Variants in PRPF4 observed in about 807,000 individuals in gnomAD.
The protein encoded by PRPF4 is U4/U6 small nuclear ribonucleoprotein Prp4.
In PRPF4, 14 loss-of-function variants were observed where a neutral mutation model predicts 72.2. That is an observed-to-expected ratio of 0.19 (90% CI 0.13 to 0.30). The LOEUF is 0.30. Among genes scored for constraint, PRPF4 ranks in the 10% least tolerant of loss-of-function variants. PRPF4 has a pLI of 1.00. For synonymous variants in PRPF4, 225 were observed against 232.2 expected, an observed-to-expected ratio of 0.97 and a Z score of 0.28; for missense variants, 478 against 653.9, an observed-to-expected ratio of 0.73 and a Z score of 2.93.
At chr9:113,291,323 A>G (rs965535980) in intron 13 of PRPF4, 144 bp from the exon 14 acceptor site, 4 of 821,730 alleles carry the variant, frequency 4.9e-6, no homozygotes, top group Non-Finnish European at 7.5e-6. Context: ...GGAATGAGCC[A>G]AAAGACCTTA....
chr9:113,277,829 C>T (rs1415300752), intron 2 of PRPF4, among the ~76,000 whole-genome samples: 1 of 152,116 alleles, frequency 6.6e-6, no homozygotes, highest in Non-Finnish European at 1.5e-5. Context: ...AGTGATACCC[C>T]ATCTCTACAA....
At chr9:113,286,900 C>A in intron 9 of PRPF4, 72 bp downstream of exon 9, 1 of 1,607,098 alleles carries the variant, frequency 6.2e-7, no homozygotes, top group South Asian at 1.1e-5. Context: ...TCCCCAGGAC[C>A]TCAGTAAAAA....
chr9:113,286,767 A>G lies in PRPF4; in HGVS notation c.871A>G (p.Lys291Glu), dbSNP rs1465129167. The part of the protein sequence containing the change: ...HPKSTVSLDP[K>E]DVNLASCAAD... ...CAAATCCACTGTCTCCTTGGACCCA[A>G]AAGATGTCAACCTGGCCTCTTGTGC... The change falls in exon 9 of 14, where the codon AAA (lysine) becomes GAA (glutamate). Residue 291 changes from lysine to glutamate, a missense_variant. Physicochemically the swap from Lys to Glu is moderately conservative, Grantham distance 56 (BLOSUM62 1). Coordinates refer to ENST00000374198, the MANE Select transcript of PRPF4 (RefSeq NM_001244926.2). 1.2e-6 allele frequency: 2 copies of G among 1,614,074 alleles called. No homozygotes were observed. The highest frequency in any genetic ancestry group is 1.7e-6 in the Non-Finnish European group (2 of 1,180,026).
chr9:113,288,304 A>G (rs1439041060), intron 10 of PRPF4, 40 bp downstream of exon 10: 1 of 1,582,178 alleles, frequency 6.3e-7, no homozygotes, highest in Non-Finnish European at 8.7e-7. Context: ...ATAGGCCTGT[A>G]GCATCTTCTT....
chr9:113,283,591 C>T (rs897904069), intron 6 of PRPF4, 109 bp downstream of exon 6: 3 of 1,091,682 alleles, frequency 2.7e-6, no homozygotes, highest in African/African-American at 1.6e-5. Flanking sequence ...AGTGATTCCT[C>T]CCTGCTTAAG....
intron 10 of PRPF4, among the ~76,000 whole-genome samples, chr9:113,289,639 G>A (rs1212583110): frequency 2.0e-5 from 3 of 152,126 alleles, no homozygotes; most frequent in East Asian, 1.9e-4. Context: ...TTATTTCCAT[G>A]TGCATAGTCA....
intron 5 of PRPF4, 36 bp from the exon 6 acceptor site, chr9:113,283,353 C>A: frequency 6.2e-7 from 1 of 1,613,722 alleles, no homozygotes. Flanking sequence ...TGTTTACAAC[C>A]CTGTTGCTCC....
chr9:113,282,282 G>A (rs1832303339), intron 3 of PRPF4, among the ~76,000 whole-genome samples: 1 of 152,104 alleles, frequency 6.6e-6, no homozygotes, highest in Non-Finnish European at 1.5e-5. Context: ...AGACTTGCCT[G>A]GGCAACATAG....
chr9:113,283,611 T>A (rs1832348231), intron 6 of PRPF4, 129 bp downstream of exon 6: 1 of 881,278 alleles, frequency 1.1e-6, no homozygotes, highest in East Asian at 2.6e-5. Context: ...GTTGAGCTGC[T>A]GTGACATGGA....
At chr9:113,288,317 C>A (rs776122518) in intron 10 of PRPF4, 53 bp downstream of exon 10, 24 of 1,515,294 alleles carry the variant, frequency 1.6e-5, no homozygotes, top group Non-Finnish European at 2.2e-5. Flanking sequence ...ATCTTCTTAA[C>A]CCTTTATGGC....
In PRPF4 at chr9:113,288,207, C is replaced by T. The variant is rs764441780; in HGVS notation, c.965C>T (p.Thr322Ile). 26 of 1,614,114 alleles carry T rather than the reference C, an allele frequency of 1.6e-5. No individual in the cohort carries two copies. Among genetic ancestry groups the T allele is most frequent in the Non-Finnish European group, 2.1e-5 (25 of 1,180,042 alleles). The change falls in exon 10 of 14, where the codon ACA becomes ATA. Residue 322 changes from threonine to isoleucine, a missense_variant. Thr to Ile is a moderately conservative substitution (Grantham distance 89). Transcript: ENST00000374198. Reference protein sequence around the residue: ...DEPVADIEGHTVRVARVMWHP... With the variant: ...DEPVADIEGHIVRVARVMWHP... ...CCAGTGGCAGATATTGAAGGCCATA[C>T]AGTGCGTGTGGCGCGGGTAATGTGG...
intron 5 of PRPF4, 64 bp downstream of exon 5, chr9:113,283,275 G>C (rs1832335682): frequency 6.2e-7 from 1 of 1,613,826 alleles, no homozygotes; most frequent in African/African-American, 1.3e-5. Context: ...CTCAGGAACT[G>C]AGTGCTGGAT....
chr9:113,289,496 CAT>C (rs1304215737), intron 10 of PRPF4, among the ~76,000 whole-genome samples: 1 of 152,186 alleles, frequency 6.6e-6, no homozygotes, highest in Admixed American at 6.5e-5. Flanking sequence ...TCAGTCTTAC[CAT>C]TTTGCCCAAT....
intron 6 of PRPF4, among the ~76,000 whole-genome samples, chr9:113,283,881 A>C (rs1033095725): frequency 6.6e-6 from 1 of 152,138 alleles, no homozygotes; most frequent in Admixed American, 6.5e-5. Flanking sequence ...CAGCCTGGTC[A>C]ACATGGTGAA....
chr9:113,292,859 AC>A lies in PRPF4; in HGVS notation c.*1202del, dbSNP rs1832649503. ...TACGGTAAAATCCTGTTACAAAACT[AC>A]CCTATAAAGAATTATTTTCTATAGT... On this transcript the variant is annotated 3_prime_UTR_variant, in exon 14 of 14. Transcript: ENST00000374198. 6.6e-6 allele frequency: 1 copy of A among 152,140 alleles called. No homozygotes were observed. Among genetic ancestry groups the A allele is most frequent in the African/African-American group, 2.4e-5 (1 of 41,422 alleles). 9.4% of individuals were successfully genotyped at this position (152,140 alleles called of 1,614,324 possible).
chr9:113,276,562 A>G lies in PRPF4; in HGVS notation c.42A>G (p.Lys14=). ...TGATTTAGCAGGCAACCAAAACTAA[A>G]GCACCCGACGACTTAGTTGCTCCGG... The part of the protein sequence containing the change: ...SRASSTATKT[K]APDDLVAPVV... Residue 14 remains lysine (K), a synonymous_variant, in exon 2 of 14, where the codon AAA becomes AAG. Transcript: ENST00000374198. The G allele has an allele frequency of 6.2e-7, 1 of 1,614,204 alleles. No homozygotes were observed. Among genetic ancestry groups the G allele is most frequent in the Non-Finnish European group, 8.5e-7 (1 of 1,180,044 alleles).
chr9:113,275,919 C>G, intron 1 of PRPF4, 149 bp downstream of exon 1: 1 of 1,047,882 alleles, frequency 9.5e-7, no homozygotes, highest in Non-Finnish European at 1.3e-6. Flanking sequence ...ACACAGCGGA[C>G]CACCGTTTTC....
At position 113,279,200 on chromosome 9, in the gene PRPF4, A is replaced by G. The variant is rs548843134; in HGVS notation, c.392+69A>G. ...AGGGTTCTACTCCAAATTTTGGTTG[A>G]TCATTTAGTTGAACTTTAATAGAAT... On this transcript the variant is annotated intron_variant, in intron 3 of 13. Transcript: ENST00000374198. The G allele has an allele frequency of 2.2e-6, 3 of 1,379,194 alleles. No individual in the cohort carries two copies. The African/African-American group carries it at 4.4e-5, about 20-fold the overall frequency. The allele number at this position is 1,379,194 out of a possible 1,614,324, so 85.4% of individuals were successfully genotyped here. A position where few individuals can be genotyped will look rare whatever the true frequency, so the allele number is the denominator to read the frequency against.
At position 113,286,398 on chromosome 9, in the gene PRPF4, A is replaced by C. The variant is rs1366142129; in HGVS notation, c.808+108A>C. The C allele has an allele frequency of 3.5e-6, 4 of 1,127,038 alleles. No individual in the cohort carries two copies. The East Asian group carries it at 9.5e-5, about 27-fold the overall frequency. 69.8% of individuals were successfully genotyped at this position (1,127,038 alleles called of 1,614,324 possible). A position where few individuals can be genotyped will look rare whatever the true frequency, so the allele number is the denominator to read the frequency against. On this transcript the variant is annotated intron_variant, in intron 8 of 13. Transcript: ENST00000374198. ...CCCATACACACAGCATTAATCCTTG[A>C]TTTGATTTGACTTGGTTTTCTCTGG...
Sources: gnomAD v4.1 joint callset for allele counts (sites outside exome capture counted in the v4.1 genomes callset) on GRCh38, gnomAD v4.1.1 for gene constraint, MANE v1.5 for transcripts, NCBI Gene and HGNC (gene_info 2026-07-23, HGNC 2026-07-21) for gene names.